MYOZ2: variants seen among roughly 807,000 people sequenced by gnomAD.
The protein encoded by MYOZ2 is myozenin 2.
In MYOZ2, 19 loss-of-function variants were observed where a neutral mutation model predicts 25.4. The ratio of observed to expected loss-of-function variants is 0.75; its 90% CI spans 0.52 to 1.10. The LOEUF (loss-of-function observed/expected upper bound fraction) is 1.10. MYOZ2 is among the 50% of genes least tolerant of loss of function. The pLI is 0.00. For synonymous variants in MYOZ2, 92 were observed against 106.9 expected (o/e 0.86, Z 0.86); for missense variants, 270 against 317.9 (o/e 0.85, Z 1.15).
intron 2 of MYOZ2, among the ~76,000 whole-genome samples, chr4:119,144,812 T>G (rs1265977411): frequency 1.3e-5 from 2 of 152,246 alleles, no homozygotes; most frequent in Admixed American, 1.3e-4. Context: ...TTTTTAATAG[T>G]GAATTTTGAT....
chr4:119,166,510 A>C (rs1578739819), intron 5 of MYOZ2, among the ~76,000 whole-genome samples: 1 of 72,794 alleles, frequency 1.4e-5, no homozygotes, highest in African/African-American at 3.2e-5. Context: ...ACCCTGTCTC[A>C]AAAAAAAAAA....
intron 5 of MYOZ2, among the ~76,000 whole-genome samples, chr4:119,168,347 C>T (rs951583478): frequency 6.6e-6 from 1 of 152,112 alleles, no homozygotes; most frequent in Admixed American, 6.5e-5. Context: ...ACTATCAAGC[C>T]TTATTATTTA....
At chr4:119,139,015 A>T (rs985677304) in intron 2 of MYOZ2, among the ~76,000 whole-genome samples, 2 of 152,208 alleles carry the variant, frequency 1.3e-5, no homozygotes, top group African/African-American at 4.8e-5. Flanking sequence ...CATATAGATT[A>T]TAATGCTAAC....
At chr4:119,137,424 A>G (rs1741054916) in intron 2 of MYOZ2, among the ~76,000 whole-genome samples, 2 of 152,144 alleles carry the variant, frequency 1.3e-5, no homozygotes, top group Admixed American at 1.3e-4. Flanking sequence ...CATTCCAGAT[A>G]TATTAGTGGC....
chr4:119,148,883 A>G (rs916036569), intron 2 of MYOZ2, among the ~76,000 whole-genome samples: 1 of 151,218 alleles, frequency 6.6e-6, no homozygotes, highest in Middle Eastern at 3.4e-3. Context: ...AGATAGTTTT[A>G]ATATCTCAGT....
chr4:119,142,944 G>A (rs1452913410), intron 2 of MYOZ2, among the ~76,000 whole-genome samples: 1 of 152,084 alleles, frequency 6.6e-6, no homozygotes, highest in Non-Finnish European at 1.5e-5. Flanking sequence ...CCTGAGATTG[G>A]GTAGTTTATA....
chr4:119,177,537 T>C (rs1053398967), intron 5 of MYOZ2, among the ~76,000 whole-genome samples: 10 of 152,176 alleles, frequency 6.6e-5, no homozygotes, highest in Non-Finnish European at 1.5e-4. Context: ...AAACATCCTA[T>C]ACCTCACCCT....
chr4:119,170,545 T>C (rs1675065939), intron 5 of MYOZ2, among the ~76,000 whole-genome samples: 1 of 152,144 alleles, frequency 6.6e-6, no homozygotes, highest in Non-Finnish European at 1.5e-5. Flanking sequence ...ATAATATAAA[T>C]GTTTTTAAAA....
chr4:119,146,255 G>T (rs6843571), intron 2 of MYOZ2, among the ~76,000 whole-genome samples: 1 of 149,736 alleles, frequency 6.7e-6, no homozygotes. Context: ...TATTTCTTTC[G>T]TTCTGCTTGC....
chr4:119,172,200 TA>T (rs1741961072), intron 5 of MYOZ2, among the ~76,000 whole-genome samples: 1 of 152,234 alleles, frequency 6.6e-6, no homozygotes, highest in Non-Finnish European at 1.5e-5. Context: ...AGGAGGCTTG[TA>T]ACCCCCCAAA....
intron 2 of MYOZ2, among the ~76,000 whole-genome samples, chr4:119,142,060 G>C (rs1219745138): frequency 6.6e-6 from 1 of 152,182 alleles, no homozygotes; most frequent in Non-Finnish European, 1.5e-5. Context: ...CCCTGACACT[G>C]ATGGATGTGC....
intron 3 of MYOZ2, among the ~76,000 whole-genome samples, chr4:119,155,365 C>T (rs1292870443): frequency 6.6e-6 from 1 of 152,040 alleles, no homozygotes; most frequent in Non-Finnish European, 1.5e-5. Flanking sequence ...AATGCAATAC[C>T]AAAACCCAGG....
chr4:119,186,145 T>A lies in MYOZ2; in HGVS notation c.740T>A (p.Val247Glu). The A allele has an allele frequency of 6.2e-7, 1 of 1,614,008 alleles. No homozygotes were observed. Residue 247 changes from valine (V) to glutamate (E), a missense_variant, in exon 6 of 6, where the codon GTG (valine) becomes GAG (glutamate). Transcript: ENST00000307128. ...TGGATATCTGAGAATATTCCTATAG[T>A]GATAACAACCGAACCTACAGATGAT... ...KGWISENIPI[V>E]ITTEPTDDTT...
At chr4:119,173,592 G>C (rs1305434922) in intron 5 of MYOZ2, among the ~76,000 whole-genome samples, 4 of 152,202 alleles carry the variant, frequency 2.6e-5, no homozygotes, top group Non-Finnish European at 4.4e-5. Flanking sequence ...CATTGTATCT[G>C]TGGTAGTGAG....
chr4:119,150,814 T>C, intron 2 of MYOZ2, 58 bp from the exon 3 acceptor site: 1 of 1,509,970 alleles, frequency 6.6e-7, no homozygotes, highest in South Asian at 1.2e-5. Flanking sequence ...AAGAAATTTA[T>C]AAAAGCATTA....
intron 3 of MYOZ2, among the ~76,000 whole-genome samples, chr4:119,153,759 T>C (rs778276364): frequency 1.3e-5 from 2 of 152,164 alleles, no homozygotes; most frequent in Non-Finnish European, 2.9e-5. Flanking sequence ...CTTTGAATTC[T>C]ACTGGTGAGG....
intron 5 of MYOZ2, among the ~76,000 whole-genome samples, chr4:119,174,579 C>G (rs1742015549): frequency 6.6e-6 from 1 of 152,098 alleles, no homozygotes; most frequent in African/African-American, 2.4e-5. Context: ...CTGTATCTAA[C>G]TAATCTGATG....
chr4:119,143,205 T>G (rs1454033751), intron 2 of MYOZ2, among the ~76,000 whole-genome samples: 5 of 151,884 alleles, frequency 3.3e-5, no homozygotes, highest in Middle Eastern at 3.2e-3. Context: ...CTTTTTTCTT[T>G]TTTTTTTTGA....
intron 3 of MYOZ2, among the ~76,000 whole-genome samples, chr4:119,156,201 C>T (rs1430319611): frequency 4.0e-5 from 6 of 151,558 alleles, no homozygotes; most frequent in Admixed American, 2.6e-4. Flanking sequence ...ACGACAGAGC[C>T]GACCATGGTA....
Sources: allele counts gnomAD v4.1 joint callset (sites outside exome capture counted in the v4.1 genomes callset), GRCh38; gene constraint gnomAD v4.1.1; transcripts MANE v1.5; gene names NCBI Gene and HGNC (gene_info 2026-07-23, HGNC 2026-07-21).